The following TMC2 variants were observed in gnomAD, a reference collection of about 807,000 sequenced individuals.
TMC2 encodes the protein transmembrane channel like 2, also known as transmembrane channel-like protein 2.
Under a neutral mutation model 105.9 loss-of-function variants are expected in TMC2, and 102 were observed. That is an observed-to-expected ratio of 0.96 (90% CI 0.82 to 1.14). The LOEUF is 1.14. Ranked by LOEUF, TMC2 falls within the 50% of genes most tolerant of loss-of-function variation. TMC2 has a pLI of 0.00. For missense variants in TMC2, 1,093 were observed against 1,134.3 expected (o/e 0.96, Z 0.52); for synonymous variants, 402 against 422.8 (o/e 0.95, Z 0.60).
chr20:2,593,628 C>T lies in TMC2; in HGVS notation c.934-1197C>T, dbSNP rs148700517. On this transcript the variant is annotated intron_variant, in intron 8 of 19. Coordinates refer to ENST00000358864, the MANE Select transcript of TMC2 (RefSeq NM_080751.3). ...TAGGATCCCATCATTAGGCAAAATG[C>T]GTTTTTCCATCTCTTTTACCTTCAC... 2.6e-5 allele frequency among the ~76,000 whole-genome samples: 4 copies of T among 152,270 alleles called. No individual in the cohort carries two copies. The East Asian group carries it at 5.8e-4, about 22-fold the overall frequency.
chr20:2,602,289 T>C lies in TMC2; in HGVS notation c.1401T>C (p.Tyr467=). Residue 467 remains tyrosine, a synonymous_variant, in exon 11 of 20, where the codon TAT becomes TAC. Coordinates refer to ENST00000358864, the MANE Select transcript of TMC2 (RefSeq NM_080751.3). ...QFSKMQNVSW[Y]ERNEVEIVMS... is the part of the protein sequence containing the mutation. ...CCAAAATGCAGAATGTCAGCTGGTA[T>C]GAAAGGAATGAGGTAAGAAAAACAT... is the stretch of plus-strand genomic sequence containing the variant. The C allele has an allele frequency of 6.3e-7, 1 of 1,596,708 alleles. No individual in the cohort carries two copies. The highest frequency in any genetic ancestry group is 8.5e-7 in the Non-Finnish European group (1 of 1,172,216).
intron 16 of TMC2, among the ~76,000 whole-genome samples, chr20:2,622,938 T>G (rs1287982586): frequency 6.6e-6 from 1 of 152,048 alleles, no homozygotes; most frequent in African/African-American, 2.4e-5. Flanking sequence ...TACTATAGTA[T>G]TATTATACTA....
intron 2 of TMC2, among the ~76,000 whole-genome samples, chr20:2,539,201 C>A (rs1374228489): frequency 6.6e-6 from 1 of 152,138 alleles, no homozygotes; most frequent in Non-Finnish European, 1.5e-5. Flanking sequence ...AAGACAGCTG[C>A]CTTTCCAGTT....
At chr20:2,543,779 A>C (rs1246392748) in intron 2 of TMC2, among the ~76,000 whole-genome samples, 1 of 152,218 alleles carries the variant, frequency 6.6e-6, no homozygotes, top group Non-Finnish European at 1.5e-5. Context: ...GCTGAAGGAA[A>C]AGCCATCAGT....
intron 19 of TMC2, among the ~76,000 whole-genome samples, chr20:2,640,823 G>A (rs2086682851): frequency 6.6e-6 from 1 of 151,986 alleles, no homozygotes. Context: ...TTTGACCCCG[G>A]CAGTCACCCT....
rs138526673 is a variant in TMC2 at position 2,550,995 on chromosome 20, A to G, written c.83-7461A>G. Among the ~76,000 whole-genome samples, 549 of 152,368 alleles carry G rather than the reference A, an allele frequency of 3.6e-3. 1 individual carries two copies. Among genetic ancestry groups the G allele is most frequent in the Middle Eastern group, 0.02 (6 of 294 alleles). ...CATAAATTTTCAACTCATTTGGGTTAACACCTCGGAGTGCAAATGCTGGAT... is the reference window on the plus strand; with the variant it reads ...CATAAATTTTCAACTCATTTGGGTTGACACCTCGGAGTGCAAATGCTGGAT... On this transcript the variant is annotated intron_variant, in intron 2 of 19. Coordinates refer to ENST00000358864, the MANE Select transcript of TMC2 (RefSeq NM_080751.3).
rs1471741429 is a variant in TMC2 at position 2,616,746 on chromosome 20, C to T, written c.1941-326C>T. 6.6e-6 allele frequency among the ~76,000 whole-genome samples: 1 copy of T among 152,232 alleles called. No individual in the cohort carries two copies. The highest frequency in any genetic ancestry group is 6.5e-5 in the Admixed American group (1 of 15,288). On this transcript the variant is annotated intron_variant, in intron 15 of 19. Coordinates refer to ENST00000358864, the MANE Select transcript of TMC2 (RefSeq NM_080751.3). The surrounding 1 kb of genome is among the most constrained non-coding windows in gnomAD (Gnocchi z 4.8). ...CAATTGAAGGACTTCAAATACTCTT[C>T]TGAGCAGCAATGCTGTTTTATGGAA...
In TMC2 at chr20:2,589,270, C is replaced by CTGTGTGTGTGTGTGTGTG. The variant is rs750496572; in HGVS notation, c.835-3003_835-2986dup. Among the ~76,000 whole-genome samples, 1,122 of 116,180 alleles carry CTGTGTGTGTGTGTGTGTG rather than the reference C, an allele frequency of 9.7e-3. 43 individuals carry two copies. The highest frequency in any genetic ancestry group is 0.02 in the East Asian group (68 of 3,340). 76.2% of individuals were successfully genotyped at this position (116,180 alleles called of 152,430 possible). On this transcript the variant is annotated intron_variant, in intron 7 of 19. Transcript: ENST00000358864. The stretch of plus-strand genomic sequence containing the variant: ...TTTTCCAGATATCTTCCTATTTGCC[C>CTGTGTGTGTGTGTGTGTG]TGTGTGTGTGTGTGTGTGTGTGTGT...
rs539944311 is a variant in TMC2 at position 2,567,971 on chromosome 20, G to A, written c.555-4208G>A. The stretch of plus-strand genomic sequence containing the variant: ...ACTATAGAGAGAAAATAGCCTGGAA[G>A]AAAATGCACAGAACTTCAAGGATGT... On this transcript the variant is annotated intron_variant, in intron 4 of 19. Coordinates refer to ENST00000358864, the MANE Select transcript of TMC2 (RefSeq NM_080751.3). 2.7e-3 allele frequency among the ~76,000 whole-genome samples: 410 copies of A among 152,180 alleles called. 3 individuals are homozygous for A. Among genetic ancestry groups the A allele is most frequent in the African/African-American group, 8.0e-3 (334 of 41,522 alleles).
In TMC2 at chr20:2,558,314, A is replaced by G; in HGVS notation, c.83-142A>G. 1 of 1,456,034 alleles carries G rather than the reference A, an allele frequency of 6.9e-7. No homozygotes were observed. Among genetic ancestry groups the G allele is most frequent in the Non-Finnish European group, 9.1e-7 (1 of 1,103,232 alleles). 90.2% of individuals were successfully genotyped at this position (1,456,034 alleles called of 1,614,324 possible). On this transcript the variant is annotated intron_variant, in intron 2 of 19. Coordinates refer to ENST00000358864, the MANE Select transcript of TMC2 (RefSeq NM_080751.3). This position sits in a 1 kb window ranked among gnomAD's most constrained non-coding sequence, Gnocchi z 4.6. Reference sequence around the variant, plus strand: ...AATACTCAACATGCCAAGGTGCCATACTTTGGGGTGTCCTGTTCTGAGCCC... The same window carrying G: ...AATACTCAACATGCCAAGGTGCCATGCTTTGGGGTGTCCTGTTCTGAGCCC...
intron 17 of TMC2, among the ~76,000 whole-genome samples, chr20:2,631,798 A>AT (rs1250041362): frequency 2.0e-5 from 3 of 150,288 alleles, no homozygotes; most frequent in Non-Finnish European, 3.0e-5. Flanking sequence ...GTAAATTAAT[A>AT]TTTTTTCATC....
intron 2 of TMC2, among the ~76,000 whole-genome samples, chr20:2,549,602 G>T (rs1426360792): frequency 6.6e-6 from 1 of 151,960 alleles, no homozygotes; most frequent in South Asian, 2.1e-4. Flanking sequence ...AATTAGCCAG[G>T]CATGGTGGCG....
chr20:2,576,055 C>T (rs1204469449), intron 5 of TMC2, among the ~76,000 whole-genome samples: 1 of 152,120 alleles, frequency 6.6e-6, no homozygotes, highest in Non-Finnish European at 1.5e-5. Flanking sequence ...GAATGGTGTC[C>T]CTTTTTCCCT....
intron 3 of TMC2, among the ~76,000 whole-genome samples, chr20:2,560,032 A>C (rs889114751): frequency 4.6e-5 from 7 of 152,180 alleles, no homozygotes; most frequent in Non-Finnish European, 7.3e-5. Flanking sequence ...GGTAATCCTA[A>C]GACAAGGCAG....
chr20:2,555,183 CCATT>C (rs1236426303), intron 2 of TMC2, among the ~76,000 whole-genome samples: 1 of 152,148 alleles, frequency 6.6e-6, no homozygotes, highest in African/African-American at 2.4e-5. Context: ...TGGGTTCAAG[CCATT>C]CTCCTGCCTC....
intron 2 of TMC2, among the ~76,000 whole-genome samples, chr20:2,542,851 T>G (rs1471862008): frequency 1.3e-5 from 2 of 151,664 alleles, no homozygotes; most frequent in Non-Finnish European, 2.9e-5. Context: ...ACTACCACGC[T>G]TGGCTAATTT....
intron 1 of TMC2, 106 bp downstream of exon 1, chr20:2,536,761 G>A: frequency 7.7e-7 from 1 of 1,302,324 alleles, no homozygotes; most frequent in Admixed American, 2.0e-5. Flanking sequence ...GAGGAGCTGG[G>A]TTTGAGTCCA....
chr20:2,616,116 G>A lies in TMC2; in HGVS notation c.1873-21G>A, dbSNP rs6050622. 0.11 allele frequency: 177,226 copies of A among 1,584,884 alleles called. 13,989 individuals carry two copies. Among genetic ancestry groups the A allele is most frequent in the African/African-American group, 0.34 (24,933 of 73,798 alleles). Reference sequence around the variant, plus strand: ...GCTTTTTTTTTTCTCTCTCTCTCTCGCTCCCTCCCTCCCTCTCTAGCCTTC... The same window carrying A: ...GCTTTTTTTTTTCTCTCTCTCTCTCACTCCCTCCCTCCCTCTCTAGCCTTC... On this transcript the variant is annotated intron_variant, in intron 14 of 19. Transcript: ENST00000358864. The surrounding 1 kb of genome is among the most constrained non-coding windows in gnomAD (Gnocchi z 4.8).
intron 2 of TMC2, among the ~76,000 whole-genome samples, chr20:2,557,496 A>T (rs1310346159): frequency 1.3e-5 from 2 of 152,090 alleles, no homozygotes; most frequent in African/African-American, 4.8e-5. Flanking sequence ...CATTTTATCC[A>T]TTAGATCTGT....
Sources: gnomAD v4.1 joint callset for allele counts (sites outside exome capture counted in the v4.1 genomes callset) on GRCh38, gnomAD v4.1.1 for gene constraint, Gnocchi (gnomAD v3.1) non-coding constraint, MANE v1.5 for transcripts, NCBI Gene and HGNC (gene_info 2026-07-23, HGNC 2026-07-21) for gene names.